The following USP33 variants were observed in gnomAD, a reference collection of about 807,000 sequenced individuals.
USP33 encodes ubiquitin specific peptidase 33.
Under a neutral mutation model 124.2 loss-of-function variants are expected in USP33, and 46 were observed. The ratio of observed to expected loss-of-function variants is 0.37; its 90% CI spans 0.29 to 0.47. The LOEUF is 0.47. USP33 is among the 20% of genes least tolerant of loss of function. USP33 has a pLI of 0.99. For synonymous variants in USP33, 350 were observed against 352.3 expected (o/e 0.99, Z 0.07); for missense variants, 851 against 1,070.6 (o/e 0.79, Z 2.86).
At chr1:77,740,988 T>C (rs778027624) in intron 3 of USP33, 49 bp from the exon 4 acceptor site, 4 of 1,254,194 alleles carry the variant, frequency 3.2e-6, no homozygotes, top group Non-Finnish European at 4.4e-6. Context: ...ATAATATACA[T>C]GTAAATTTAT....
intron 1 of USP33, among the ~76,000 whole-genome samples, chr1:77,756,645 C>A (rs973269343): frequency 6.6e-6 from 1 of 152,170 alleles, no homozygotes; most frequent in Non-Finnish European, 1.5e-5. Context: ...GGCAGTTATA[C>A]AAAACTCTGA....
intron 11 of USP33, among the ~76,000 whole-genome samples, chr1:77,724,191 C>G (rs886554899): frequency 1.3e-5 from 2 of 152,128 alleles, no homozygotes; most frequent in African/African-American, 2.4e-5. Context: ...GTCTCCCTAT[C>G]CTGACTTGAG....
chr1:77,726,992 G>C (rs534874193), intron 10 of USP33, among the ~76,000 whole-genome samples: 77 of 152,274 alleles, frequency 5.1e-4, no homozygotes, highest in African/African-American at 1.8e-3. Flanking sequence ...CTGGAAAGGG[G>C]ATGTACTCAG....
intron 5 of USP33, 76 bp from the exon 6 acceptor site, chr1:77,736,234 C>A: frequency 1.2e-6 from 1 of 832,560 alleles, no homozygotes; most frequent in Non-Finnish European, 1.8e-6. Context: ...ACTTATATAA[C>A]ATCTATACCA....
chr1:77,730,074 TTA>T (rs1677632511), intron 8 of USP33, 136 bp from the exon 9 acceptor site: 1 of 787,180 alleles, frequency 1.3e-6, no homozygotes, highest in East Asian at 2.7e-5. Flanking sequence ...CTGCCTAATA[TTA>T]TGTTTCACAG....
chr1:77,721,617 T>C (rs773000910), intron 14 of USP33: 6 of 534,578 alleles, frequency 1.1e-5, no homozygotes, highest in African/African-American at 1.9e-5. Context: ...TTATCATTTG[T>C]CTTATACTAC....
chr1:77,717,802 C>A, intron 17 of USP33, 65 bp downstream of exon 17: 5 of 1,416,540 alleles, frequency 3.5e-6, no homozygotes, highest in Non-Finnish European at 4.7e-6. Context: ...GTATGAGCCA[C>A]CACGCCCAGG....
At chr1:77,717,844 A>G (rs763413483) in intron 17 of USP33, 23 bp downstream of exon 17, 2 of 1,515,436 alleles carry the variant, frequency 1.3e-6, no homozygotes, top group Non-Finnish European at 1.8e-6. Context: ...ATCTAGGAAC[A>G]ACTGTTAAAC....
At chr1:77,755,187 T>C (rs1273523712) in intron 1 of USP33, among the ~76,000 whole-genome samples, 1 of 151,966 alleles carries the variant, frequency 6.6e-6, no homozygotes, top group Non-Finnish European at 1.5e-5. Context: ...GTAAACCACA[T>C]AGAAACATGG....
chr1:77,741,004 CATTACA>C (rs1679060131), intron 3 of USP33, 65 bp from the exon 4 acceptor site: 2 of 1,071,746 alleles, frequency 1.9e-6, no homozygotes, highest in Non-Finnish European at 2.7e-6. Context: ...TTTATAACAG[CATTACA>C]ATTACATTTA....
At chr1:77,754,821 T>C (rs553934442) in intron 1 of USP33, among the ~76,000 whole-genome samples, 118 of 152,372 alleles carry the variant, frequency 7.7e-4, no homozygotes, top group African/African-American at 2.7e-3. Context: ...TTCTACAATC[T>C]ATTCTTAACA....
rs183479051 is a variant in USP33 at position 77,754,280 on chromosome 1, A to C, written c.-52+5363T>G. 3.0e-3 allele frequency among the ~76,000 whole-genome samples: 452 copies of C among 152,362 alleles called. 8 individuals are homozygous for C. The highest frequency in any genetic ancestry group is 0.01 in the African/African-American group (428 of 41,592). On this transcript the variant is annotated intron_variant, in intron 1 of 23. Transcript: ENST00000370794. ...ACTATGGTTCCACGAGTACTAGTCC[A>C]GCAGTACCATATGAAATATTACACT...
intron 21 of USP33, among the ~76,000 whole-genome samples, chr1:77,702,391 A>C (rs1170770238): frequency 1.3e-5 from 2 of 152,176 alleles, no homozygotes; most frequent in Non-Finnish European, 2.9e-5. Context: ...ATGTACACAT[A>C]CTATATCCAC....
chr1:77,722,396 C>A lies in USP33; in HGVS notation c.1390-200G>T, dbSNP rs558765700. On this transcript the variant is annotated intron_variant, in intron 12 of 23. Transcript: ENST00000370794. ...AAAAACAAAAAACAAAACACACTTGCTCTGTACCAGGTATCTTCACGTAAG... is the reference window on the plus strand; with the variant it reads ...AAAAACAAAAAACAAAACACACTTGATCTGTACCAGGTATCTTCACGTAAG... 599 of 524,284 alleles carry A rather than the reference C, an allele frequency of 1.1e-3. 12 individuals carry two copies. The highest frequency in any genetic ancestry group is 0.011 in the South Asian group (501 of 43,922). The allele number at this position is 524,284 out of a possible 1,614,324, so 32.5% of individuals were successfully genotyped here.
chr1:77,713,596 T>C (rs1298448184), intron 19 of USP33: 1 of 230,286 alleles, frequency 4.3e-6, no homozygotes, highest in South Asian at 6.1e-5. Flanking sequence ...AGGCTCTCAT[T>C]ATGTTGCCCA....
In USP33 at chr1:77,696,476, CTAGT is replaced by C. The variant is rs1403808983; in HGVS notation, c.*837_*840del. 4.6e-5 allele frequency: 7 copies of C among 152,524 alleles called. No individual in the cohort carries two copies. The highest frequency in any genetic ancestry group is 1.7e-4 in the African/African-American group (7 of 41,414). 9.4% of individuals were successfully genotyped at this position (152,524 alleles called of 1,614,324 possible). On this transcript the variant is annotated 3_prime_UTR_variant, in exon 24 of 24. Transcript: ENST00000370794. ...AAGACATTTTGTAAATTTTAATAAG[CTAGT>C]TAGTGTATATGCTGCAGTGCAAAAA... is the stretch of plus-strand genomic sequence containing the variant.
intron 14 of USP33, 183 bp downstream of exon 14, chr1:77,721,648 T>C (rs1676571980): frequency 1.8e-6 from 1 of 566,852 alleles, no homozygotes; most frequent in Non-Finnish European, 3.1e-6. Context: ...ATGAATTCCT[T>C]CAGGATGTGA....
chr1:77,725,219 T>C (rs568276193), intron 11 of USP33, among the ~76,000 whole-genome samples: 25 of 152,310 alleles, frequency 1.6e-4, no homozygotes, highest in South Asian at 4.1e-4. Flanking sequence ...TTCATTTATA[T>C]GACATTCTAG....
chr1:77,713,552 C>CTTTTT, intron 19 of USP33: 1 of 181,116 alleles, frequency 5.5e-6, no homozygotes, highest in South Asian at 1.4e-4. Context: ...ACCCAGCTAA[C>CTTTTT]TTTTCTTTTT....
Sources: gnomAD v4.1 joint callset for allele counts (sites outside exome capture counted in the v4.1 genomes callset) on GRCh38, gnomAD v4.1.1 for gene constraint, MANE v1.5 for transcripts, NCBI Gene and HGNC (gene_info 2026-07-23, HGNC 2026-07-21) for gene names.